UBE3D: variants seen among roughly 807,000 people sequenced by gnomAD.
The protein encoded by UBE3D is E3 ubiquitin-protein ligase E3D.
UBE3D carries 48 observed loss-of-function variants against 49.6 expected under a neutral mutation model. The ratio of observed to expected loss-of-function variants is 0.97; its 90% confidence interval spans 0.77 to 1.23. The LOEUF is 1.23. Among genes scored for constraint, UBE3D ranks in the 50% most tolerant of loss-of-function variants. UBE3D has a pLI of 0.00. For synonymous variants in UBE3D, 189 were observed against 174.2 expected (o/e 1.08, Z -0.67); for missense variants, 452 against 468.4 (o/e 0.96, Z 0.32).
intron 8 of UBE3D, among the ~76,000 whole-genome samples, chr6:82,978,171 C>T (rs1398510760): frequency 2.6e-5 from 4 of 151,972 alleles, no homozygotes; most frequent in Non-Finnish European, 5.9e-5. Context: ...CAAGTTGACG[C>T]TAATGGAGAC....
chr6:82,928,679 G>C (rs1773925847), intron 9 of UBE3D, among the ~76,000 whole-genome samples: 1 of 152,056 alleles, frequency 6.6e-6, no homozygotes, highest in African/African-American at 2.4e-5. Flanking sequence ...TCTAAATGTT[G>C]GCTCTCATTA....
In UBE3D at chr6:82,892,472, A is replaced by C. The variant is rs1381444012; in HGVS notation, c.*550T>G. On this transcript the variant is annotated 3_prime_UTR_variant, in exon 10 of 10. Transcript: ENST00000369747. The stretch of plus-strand genomic sequence containing the variant: ...TAACAAAAGAAACATGCAGATTTGC[A>C]TAAATAGGAAATCCTTTAATTTGAT... 1 of 156,786 alleles carries C rather than the reference A, an allele frequency of 6.4e-6. No individual in the cohort carries two copies. Among genetic ancestry groups the C allele is most frequent in the Non-Finnish European group, 1.4e-5 (1 of 70,690 alleles). 9.7% of individuals were successfully genotyped at this position (156,786 alleles called of 1,614,324 possible).
intron 4 of UBE3D, among the ~76,000 whole-genome samples, chr6:83,040,759 T>C (rs973530468): frequency 6.6e-6 from 1 of 152,180 alleles, no homozygotes; most frequent in African/African-American, 2.4e-5. Context: ...ACTCCCAAAG[T>C]GGGCCCCACA....
At chr6:82,920,161 T>A (rs1773222583) in intron 9 of UBE3D, among the ~76,000 whole-genome samples, 1 of 152,120 alleles carries the variant, frequency 6.6e-6, no homozygotes, top group African/African-American at 2.4e-5. Flanking sequence ...GGGAGAGAAG[T>A]AGTTTGAGAT....
Position 82,957,407 on chromosome 6 carries a change from T to A in UBE3D, c.1054A>T (p.Thr352Ser). The A allele has an allele frequency of 6.2e-7, 1 of 1,614,040 alleles. No homozygotes were observed. Among genetic ancestry groups the A allele is most frequent in the Non-Finnish European group, 8.5e-7 (1 of 1,179,980 alleles). The change falls in exon 9 of 10, where the codon ACC (threonine) becomes TCC (serine). Residue 352 changes from threonine to serine, a missense_variant. Thr to Ser is a moderately conservative substitution (Grantham distance 58). Transcript: ENST00000369747. ...TCCAAGCAGGTTGCAGAGGGCAGGG[T>A]TAGCGGGTGGACGCTGATGTCACTT... The part of the protein sequence containing the change: ...WESDISVHPL[T>S]LPSATCLELL...
At chr6:82,931,435 T>C (rs1268447551) in intron 9 of UBE3D, among the ~76,000 whole-genome samples, 1 of 152,080 alleles carries the variant, frequency 6.6e-6, no homozygotes, top group Non-Finnish European at 1.5e-5. Context: ...ACTGTGCACC[T>C]GGAAAAGCCA....
intron 9 of UBE3D, among the ~76,000 whole-genome samples, chr6:82,919,799 C>CT (rs907057046): frequency 6.6e-6 from 1 of 151,912 alleles, no homozygotes; most frequent in Non-Finnish European, 1.5e-5. Context: ...TCCCAGCAAT[C>CT]TTTTTTCTTA....
rs61225462 is a variant in UBE3D, at chr6:83,027,434, C to CAAAAAAAAAAAAAAAAAAAAAAAAAAA, written c.668-3423_668-3397dup. On this transcript the variant is annotated intron_variant, in intron 5 of 9. Coordinates refer to ENST00000369747, the MANE Select transcript of UBE3D (RefSeq NM_198920.3). ...CTGGCGACAGAGCGAGACTCCGTCT[C>CAAAAAAAAAAAAAAAAAAAAAAAAAAA]AAAAAAAAAAAAAAAAAAAAAAAAA... 8.7e-5 allele frequency among the ~76,000 whole-genome samples: 3 copies of CAAAAAAAAAAAAAAAAAAAAAAAAAAA among 34,644 alleles called. 1 individual carries two copies. Among genetic ancestry groups the CAAAAAAAAAAAAAAAAAAAAAAAAAAA allele is most frequent in the Non-Finnish European group, 1.5e-4 (3 of 19,590 alleles). 22.7% of individuals were successfully genotyped at this position (34,644 alleles called of 152,430 possible). A position where few individuals can be genotyped will look rare whatever the true frequency, so the allele number is the denominator to read the frequency against.
At chr6:83,059,030 A>G (rs1203222785) in intron 1 of UBE3D, among the ~76,000 whole-genome samples, 3 of 152,166 alleles carry the variant, frequency 2.0e-5, no homozygotes, top group Non-Finnish European at 1.5e-5. Flanking sequence ...TGAGCCATGT[A>G]TGGTCTCAAA....
At chr6:83,048,355 G>T (rs912521203) in intron 3 of UBE3D, among the ~76,000 whole-genome samples, 1 of 152,130 alleles carries the variant, frequency 6.6e-6, no homozygotes, top group Non-Finnish European at 1.5e-5. Flanking sequence ...ACCAGCAGAA[G>T]AAGAGGGCAA....
chr6:82,918,563 T>C (rs1773097522), intron 9 of UBE3D, among the ~76,000 whole-genome samples: 1 of 152,100 alleles, frequency 6.6e-6, no homozygotes, highest in Non-Finnish European at 1.5e-5. Context: ...AAAATAGAAT[T>C]TGTTGTAATA....
intron 9 of UBE3D, among the ~76,000 whole-genome samples, chr6:82,901,588 TC>T (rs34576691): frequency 2.0e-5 from 3 of 152,200 alleles, no homozygotes; most frequent in Non-Finnish European, 4.4e-5. Flanking sequence ...GAGCAAACCA[TC>T]CTCGAGAAGG....
At chr6:82,952,534 C>G (rs1775878019) in intron 9 of UBE3D, among the ~76,000 whole-genome samples, 1 of 152,060 alleles carries the variant, frequency 6.6e-6, no homozygotes, top group Admixed American at 6.6e-5. Flanking sequence ...AAGCAATCCT[C>G]CTACTTCAGC....
intron 4 of UBE3D, among the ~76,000 whole-genome samples, chr6:83,038,888 A>C (rs1782453846): frequency 6.6e-6 from 1 of 152,248 alleles, no homozygotes; most frequent in South Asian, 2.1e-4. Flanking sequence ...ACTTGAACTC[A>C]CACTATTTTG....
chr6:83,025,943 A>G (rs1781431770), intron 5 of UBE3D, among the ~76,000 whole-genome samples: 1 of 151,668 alleles, frequency 6.6e-6, no homozygotes, highest in African/African-American at 2.4e-5. Flanking sequence ...ATAATTAAAC[A>G]TATAAGAATT....
intron 9 of UBE3D, among the ~76,000 whole-genome samples, chr6:82,929,610 TTG>T (rs1382217696): frequency 2.0e-5 from 3 of 152,098 alleles, no homozygotes; most frequent in Non-Finnish European, 4.4e-5. Context: ...TCCTCTGATT[TTG>T]TGATTCTCTT....
chr6:82,966,996 A>G (rs1776984291), intron 8 of UBE3D, among the ~76,000 whole-genome samples: 1 of 152,020 alleles, frequency 6.6e-6, no homozygotes, highest in South Asian at 2.1e-4. Flanking sequence ...CCTTAAAAAT[A>G]TTTTTTTCAT....
intron 9 of UBE3D, among the ~76,000 whole-genome samples, chr6:82,956,016 G>A (rs554039748): frequency 2.0e-5 from 3 of 152,242 alleles, no homozygotes; most frequent in South Asian, 2.1e-4. Flanking sequence ...AGAGCATCAC[G>A]GAGACAATCC....
At chr6:83,000,845 C>CTT (rs36049759) in intron 8 of UBE3D, among the ~76,000 whole-genome samples, 29 of 140,968 alleles carry the variant, frequency 2.1e-4, no homozygotes, top group South Asian at 1.1e-3. Flanking sequence ...AGCATCAATT[C>CTT]TTTTTTTTTT....
Sources: gnomAD v4.1 joint callset for allele counts (sites outside exome capture counted in the v4.1 genomes callset) on GRCh38, gnomAD v4.1.1 for gene constraint, MANE v1.5 for transcripts, NCBI Gene and HGNC (gene_info 2026-07-23, HGNC 2026-07-21) for gene names.